Variants in PRRX2 observed in about 807,000 individuals in gnomAD.
The protein encoded by PRRX2 is paired related homeobox 2.
In PRRX2, 11 loss-of-function variants were observed where a neutral mutation model predicts 18.0. That is an observed-to-expected ratio of 0.61 (90% CI 0.39 to 1.01). PRRX2 has a LOEUF of 1.01. Ranked by LOEUF, PRRX2 falls within the 50% of genes least tolerant of loss-of-function variation. PRRX2 has a pLI of 0.01. For synonymous variants in PRRX2, 177 were observed against 154.8 expected (o/e 1.14, Z -1.06); for missense variants, 387 against 351.0 (o/e 1.10, Z -0.82).
intron 1 of PRRX2, among the ~76,000 whole-genome samples, chr9:129,674,739 G>A (rs1280714632): frequency 2.0e-5 from 3 of 152,170 alleles, no homozygotes; most frequent in Non-Finnish European, 4.4e-5. Context: ...AGGACATGGG[G>A]TTCCTGCCTC....
chr9:129,699,198 A>C (rs1240787580), intron 1 of PRRX2, among the ~76,000 whole-genome samples: 1 of 152,228 alleles, frequency 6.6e-6, no homozygotes, highest in Non-Finnish European at 1.5e-5. Flanking sequence ...CAAGGTGGGC[A>C]GATCACTTGA....
chr9:129,707,826 A>G (rs984877351), intron 1 of PRRX2, among the ~76,000 whole-genome samples: 1 of 151,570 alleles, frequency 6.6e-6, no homozygotes, highest in Admixed American at 6.6e-5. Context: ...GACATATGTC[A>G]TTGTGTACAG....
intron 1 of PRRX2, among the ~76,000 whole-genome samples, chr9:129,701,455 A>C (rs1056919906): frequency 6.6e-6 from 1 of 152,230 alleles, no homozygotes; most frequent in Non-Finnish European, 1.5e-5. Flanking sequence ...CAGAGCTGGC[A>C]TGGAAAGCCA....
intron 1 of PRRX2, among the ~76,000 whole-genome samples, chr9:129,698,280 A>G (rs1434366453): frequency 9.9e-6 from 1 of 100,928 alleles, no homozygotes; most frequent in East Asian, 3.3e-4. Flanking sequence ...GGGCGGGGGC[A>G]CTTAGGCTCT....
chr9:129,718,556 G>A (rs1832744339), intron 1 of PRRX2: 1 of 152,286 alleles, frequency 6.6e-6, no homozygotes, highest in South Asian at 2.1e-4. Flanking sequence ...AAAAGGAGAA[G>A]ATGAGGACTC....
chr9:129,685,523 C>G (rs868548720), intron 1 of PRRX2, among the ~76,000 whole-genome samples: 2 of 152,106 alleles, frequency 1.3e-5, no homozygotes. Context: ...CCACCCCCAC[C>G]TGGCTAATTC....
chr9:129,720,853 G>A, intron 3 of PRRX2, 79 bp downstream of exon 3: 1 of 1,374,422 alleles, frequency 7.3e-7, no homozygotes. Context: ...GGACTCCTCT[G>A]AGGGTCTGGA....
At chr9:129,689,602 C>G (rs1045282297) in intron 1 of PRRX2, among the ~76,000 whole-genome samples, 1 of 151,994 alleles carries the variant, frequency 6.6e-6, no homozygotes, top group African/African-American at 2.4e-5. Flanking sequence ...AAAGACCTTG[C>G]ACTTGGTGTC....
intron 1 of PRRX2, among the ~76,000 whole-genome samples, chr9:129,683,546 T>C (rs1038787863): frequency 2.0e-5 from 3 of 152,080 alleles, no homozygotes; most frequent in Admixed American, 2.0e-4. Context: ...CCGTCCTGGC[T>C]AAAACGGTGA....
chr9:129,711,337 T>G (rs1558874), intron 1 of PRRX2, among the ~76,000 whole-genome samples: 25,599 of 151,188 alleles, frequency 0.17, 2,700 homozygotes, highest in East Asian at 0.34. Flanking sequence ...CCAGCCGTGT[T>G]GGGTTGTTAT....
In PRRX2 at chr9:129,688,088, G is replaced by C. The variant is rs544011380; in HGVS notation, c.259+21962G>C. ...CTTTTATATTTTTTGTAGAGATGGG[G>C]GTCTCACTCTGTCACCCAGGCTGGA... is the stretch of plus-strand genomic sequence containing the variant. On this transcript the variant is annotated intron_variant, in intron 1 of 3. Coordinates refer to ENST00000372469, the MANE Select transcript of PRRX2 (RefSeq NM_016307.4). 7.2e-4 allele frequency among the ~76,000 whole-genome samples: 109 copies of C among 152,168 alleles called. 2 individuals are homozygous for C. Among genetic ancestry groups the C allele is most frequent in the Admixed American group, 1.0e-3 (16 of 15,262 alleles).
In PRRX2 at chr9:129,709,774, C is replaced by T. The variant is rs1230341658; in HGVS notation, c.260-9457C>T. ...AGTGGCTGGTGGTGGCCGGCCTCCC[C>T]CAGCCTCTTCCTCACTCGGAGGACG... On this transcript the variant is annotated intron_variant, in intron 1 of 3. Coordinates refer to ENST00000372469, the MANE Select transcript of PRRX2 (RefSeq NM_016307.4). This position sits in a 1 kb window ranked among gnomAD's most constrained non-coding sequence, Gnocchi z 4.2. 6.6e-6 allele frequency among the ~76,000 whole-genome samples: 1 copy of T among 152,128 alleles called. No individual in the cohort carries two copies. The highest frequency in any genetic ancestry group is 2.4e-5 in the African/African-American group (1 of 41,414).
intron 1 of PRRX2, among the ~76,000 whole-genome samples, chr9:129,687,662 G>A (rs1278408986): frequency 6.6e-6 from 1 of 152,198 alleles, no homozygotes; most frequent in Admixed American, 6.5e-5. Flanking sequence ...CCTTTTGATC[G>A]CTGCGCCAAC....
intron 1 of PRRX2, among the ~76,000 whole-genome samples, chr9:129,713,429 C>T (rs185375541): frequency 2.8e-4 from 43 of 152,242 alleles, no homozygotes; most frequent in African/African-American, 1.0e-3. Flanking sequence ...GAAGAGGTGA[C>T]GTGAGGCTGG....
At position 129,675,807 on chromosome 9, in the gene PRRX2, A is replaced by AG. The variant is rs1467517768; in HGVS notation, c.259+9685dup. Among the ~76,000 whole-genome samples, 7 of 152,238 alleles carry AG rather than the reference A, an allele frequency of 4.6e-5. No individual in the cohort carries two copies. Among genetic ancestry groups the AG allele is most frequent in the Admixed American group, 3.9e-4 (6 of 15,292 alleles). Reference sequence around the variant, plus strand: ...GAGCCGCCAGGCGGGCGCGCCTGGCAGGGGCCTCGCAGCCTCTCTCGCCGC... The same window carrying AG: ...GAGCCGCCAGGCGGGCGCGCCTGGCAGGGGGCCTCGCAGCCTCTCTCGCCGC... On this transcript the variant is annotated intron_variant, in intron 1 of 3. Coordinates refer to ENST00000372469, the MANE Select transcript of PRRX2 (RefSeq NM_016307.4). This position sits in a 1 kb window ranked among gnomAD's most constrained non-coding sequence, Gnocchi z 4.4.
chr9:129,680,875 A>G (rs2119061894), intron 1 of PRRX2, among the ~76,000 whole-genome samples: 1 of 152,358 alleles, frequency 6.6e-6, no homozygotes, highest in Admixed American at 6.5e-5. Flanking sequence ...CACAGCACAA[A>G]TGGTAACCAT....
intron 1 of PRRX2, among the ~76,000 whole-genome samples, chr9:129,667,084 G>C (rs1832035754): frequency 6.6e-6 from 1 of 152,232 alleles, no homozygotes; most frequent in Admixed American, 6.5e-5. Flanking sequence ...GGAAAACAGA[G>C]GTGGCTGCAG....
chr9:129,669,641 G>A (rs994051319), intron 1 of PRRX2, among the ~76,000 whole-genome samples: 4 of 152,108 alleles, frequency 2.6e-5, no homozygotes, highest in African/African-American at 7.2e-5. Flanking sequence ...CAGAGATTTC[G>A]GAAGATGAAG....
Position 129,709,311 on chromosome 9 carries a change from C to T in PRRX2, c.260-9920C>T, listed in dbSNP as rs1343287918. Among the ~76,000 whole-genome samples the T allele has an allele frequency of 6.6e-6, 1 of 152,184 alleles. No homozygotes were observed. The highest frequency in any genetic ancestry group is 6.5e-5 in the Admixed American group (1 of 15,284). On this transcript the variant is annotated intron_variant, in intron 1 of 3. Transcript: ENST00000372469. The surrounding 1 kb of genome is among the most constrained non-coding windows in gnomAD (Gnocchi z 4.2). ...TGTATTTAGGGGTGAGGCTCCCGAC[C>T]CCAGAGAGACCCAGATACACCGCAA...
Sources: gnomAD v4.1 joint callset for allele counts (sites outside exome capture counted in the v4.1 genomes callset) on GRCh38, gnomAD v4.1.1 for gene constraint, Gnocchi (gnomAD v3.1) non-coding constraint, MANE v1.5 for transcripts, NCBI Gene and HGNC (gene_info 2026-07-23, HGNC 2026-07-21) for gene names.